Variants in ADAMTS12 observed in about 807,000 individuals in gnomAD.
The protein encoded by ADAMTS12 is A disintegrin and metalloproteinase with thrombospondin motifs 12.
A neutral mutation model predicts 167.8 loss-of-function variants in ADAMTS12; 118 were observed. The ratio of observed to expected loss-of-function variants is 0.70; its 90% CI spans 0.61 to 0.82. ADAMTS12 has a LOEUF of 0.82. Among genes scored for constraint, ADAMTS12 ranks in the 40% least tolerant of loss-of-function variants. The pLI is 0.00. For synonymous variants in ADAMTS12, 704 were observed against 716.9 expected (o/e 0.98, Z 0.29); for missense variants, 1,916 against 1,998.8 (o/e 0.96, Z 0.79).
At chr5:33,617,589 C>A (rs1739090108) in intron 14 of ADAMTS12, among the ~76,000 whole-genome samples, 1 of 152,136 alleles carries the variant, frequency 6.6e-6, no homozygotes, top group African/African-American at 2.4e-5. Flanking sequence ...TGTATGACCA[C>A]CTCCGGGAAG....
At chr5:33,652,293 C>T (rs745376701) in intron 7 of ADAMTS12, among the ~76,000 whole-genome samples, 3 of 151,972 alleles carry the variant, frequency 2.0e-5, no homozygotes, top group Admixed American at 6.6e-5. Context: ...CAATAGCTGT[C>T]CTTTTTTGAT....
chr5:33,591,855 A>G (rs1275989488), intron 17 of ADAMTS12, among the ~76,000 whole-genome samples: 1 of 152,088 alleles, frequency 6.6e-6, no homozygotes, highest in African/African-American at 2.4e-5. Context: ...ATTGGCATCT[A>G]GTGGATAGAG....
intron 3 of ADAMTS12, among the ~76,000 whole-genome samples, chr5:33,728,299 A>G (rs1198104200): frequency 6.6e-6 from 1 of 152,084 alleles, no homozygotes; most frequent in East Asian, 1.9e-4. Flanking sequence ...GGAAAGGGGG[A>G]GGGGAAGAAC....
At chr5:33,569,598 A>C (rs564390715) in intron 19 of ADAMTS12, among the ~76,000 whole-genome samples, 2 of 152,272 alleles carry the variant, frequency 1.3e-5, no homozygotes, top group Non-Finnish European at 2.9e-5. Context: ...CCATCTGTAC[A>C]TCACCATCAT....
intron 2 of ADAMTS12, among the ~76,000 whole-genome samples, chr5:33,859,166 A>C (rs1309238452): frequency 6.6e-6 from 1 of 152,154 alleles, no homozygotes; most frequent in Non-Finnish European, 1.5e-5. Flanking sequence ...AGAACTGTTC[A>C]CTTCCCTGGA....
intron 2 of ADAMTS12, among the ~76,000 whole-genome samples, chr5:33,761,181 C>T (rs1387470503): frequency 1.3e-5 from 2 of 152,196 alleles, no homozygotes; most frequent in Non-Finnish European, 2.9e-5. Context: ...CATTTTCAAA[C>T]CAGAAACCAT....
At chr5:33,876,143 CA>C (rs1203472301) in intron 2 of ADAMTS12, among the ~76,000 whole-genome samples, 1 of 152,068 alleles carries the variant, frequency 6.6e-6, no homozygotes, top group Non-Finnish European at 1.5e-5. Context: ...TGGAAAAAAT[CA>C]AAGAAGATCT....
chr5:33,691,030 A>T (rs1742530229), intron 3 of ADAMTS12, among the ~76,000 whole-genome samples: 1 of 152,212 alleles, frequency 6.6e-6, no homozygotes, highest in East Asian at 1.9e-4. Context: ...TTAGTGACTC[A>T]GGATTGGGGA....
At chr5:33,766,480 T>G (rs1745538037) in intron 2 of ADAMTS12, among the ~76,000 whole-genome samples, 1 of 152,136 alleles carries the variant, frequency 6.6e-6, no homozygotes, top group Non-Finnish European at 1.5e-5. Context: ...AGGGGAAGAC[T>G]AGTGAACCCT....
chr5:33,591,940 G>A (rs1047188386), intron 17 of ADAMTS12, among the ~76,000 whole-genome samples: 27 of 151,978 alleles, frequency 1.8e-4, no homozygotes, highest in Admixed American at 6.6e-4. Flanking sequence ...AGCCCAGTAA[G>A]CCAGGCGCGG....
chr5:33,582,468 T>G (rs1035568713), intron 18 of ADAMTS12, among the ~76,000 whole-genome samples: 1 of 152,198 alleles, frequency 6.6e-6, no homozygotes. Context: ...GGACTTCACA[T>G]GAGTCTAGCT....
intron 2 of ADAMTS12, among the ~76,000 whole-genome samples, chr5:33,756,179 G>A (rs1322924554): frequency 6.6e-6 from 1 of 152,204 alleles, no homozygotes; most frequent in Admixed American, 6.5e-5. Context: ...ATGCTGAAAA[G>A]GACTTAGTGT....
At chr5:33,706,924 A>G (rs1016815403) in intron 3 of ADAMTS12, among the ~76,000 whole-genome samples, 1 of 152,164 alleles carries the variant, frequency 6.6e-6, no homozygotes, top group Non-Finnish European at 1.5e-5. Context: ...CACCACTCCT[A>G]TTCAGCATAG....
Position 33,858,028 on chromosome 5 carries a change from A to T in ADAMTS12, c.489+23091T>A, listed in dbSNP as rs551002309. Among the ~76,000 whole-genome samples the T allele has an allele frequency of 3.5e-4, 53 of 152,246 alleles. 1 individual carries two copies. Among genetic ancestry groups the T allele is most frequent in the Non-Finnish European group, 7.5e-4 (51 of 68,048 alleles). On this transcript the variant is annotated intron_variant, in intron 2 of 23. Transcript: ENST00000504830. ...ATCAGCCAACAGTATCTAATAAAACATTTATGAAACACTCTCTCCAACAAC... is the reference window on the plus strand; with the variant it reads ...ATCAGCCAACAGTATCTAATAAAACTTTTATGAAACACTCTCTCCAACAAC...
intron 19 of ADAMTS12, among the ~76,000 whole-genome samples, chr5:33,571,653 C>T (rs922943785): frequency 4.6e-5 from 7 of 150,748 alleles, no homozygotes; most frequent in African/African-American, 2.4e-5. Context: ...CAGGAAAGAT[C>T]CAAAATTGAC....
At chr5:33,782,267 T>C (rs1746159547) in intron 2 of ADAMTS12, among the ~76,000 whole-genome samples, 1 of 151,938 alleles carries the variant, frequency 6.6e-6, no homozygotes, top group South Asian at 2.1e-4. Context: ...TATTATATAC[T>C]ACCGAACAAC....
chr5:33,549,232 G>A lies in ADAMTS12; in HGVS notation c.4277C>T (p.Ala1426Val), dbSNP rs144560370. The A allele has an allele frequency of 1.4e-5, 23 of 1,613,820 alleles. No individual in the cohort carries two copies. The highest frequency in any genetic ancestry group is 3.3e-5 in the Admixed American group (2 of 60,008). The change falls in exon 21 of 24, where the codon GCG becomes GTG. Residue 1426 changes from alanine to valine, a missense_variant. Ala to Val is a moderately conservative substitution (Grantham distance 64). Coordinates refer to ENST00000504830, the MANE Select transcript of ADAMTS12 (RefSeq NM_030955.4). ...SMSCNPEPCEAWQVEPWSQCS... is the reference protein window; with the variant it reads ...SMSCNPEPCEVWQVEPWSQCS... The stretch of plus-strand genomic sequence containing the variant: ...CTGGCTCCAAGGCTCCACCTGCCAC[G>A]CCTCACAGGGCTCCGGGTTACAGCT...
In ADAMTS12 at chr5:33,826,934, G is replaced by A. The variant is rs968939742; in HGVS notation, c.489+54185C>T. On this transcript the variant is annotated intron_variant, in intron 2 of 23. Transcript: ENST00000504830. ...CTTCTTAGTAAAATACCAAATTGGA[G>A]TCTATAATAAGCTTTAGTCATGTAC... Among the ~76,000 whole-genome samples, 4 of 152,036 alleles carry A rather than the reference G, an allele frequency of 2.6e-5. 1 individual carries two copies. The highest frequency in any genetic ancestry group is 5.9e-5 in the Non-Finnish European group (4 of 68,000).
At chr5:33,604,042 T>C (rs1043657744) in intron 16 of ADAMTS12, among the ~76,000 whole-genome samples, 26 of 152,198 alleles carry the variant, frequency 1.7e-4, no homozygotes, top group African/African-American at 6.3e-4. Context: ...TATAAATTTA[T>C]ATCATATTAA....
Sources: allele counts gnomAD v4.1 joint callset (sites outside exome capture counted in the v4.1 genomes callset), GRCh38; gene constraint gnomAD v4.1.1; transcripts MANE v1.5; gene names NCBI Gene and HGNC (gene_info 2026-07-23, HGNC 2026-07-21).